Variants in INPP4B observed in about 807,000 individuals in gnomAD.
INPP4B encodes the protein inositol polyphosphate-4-phosphatase type II B, also known as inositol polyphosphate 4-phosphatase type II.
In INPP4B, 55 loss-of-function variants were observed where a neutral mutation model predicts 122.5. The ratio of observed to expected loss-of-function variants is 0.45; its 90% CI spans 0.36 to 0.56. The LOEUF (loss-of-function observed/expected upper bound fraction) is 0.56. Ranked by LOEUF, INPP4B falls within the 20% of genes least tolerant of loss-of-function variation. The probability of loss-of-function intolerance (pLI) is 0.00; values close to 1 mark genes in which losing one functional copy is unlikely to be tolerated. For missense variants in INPP4B, 1,000 were observed against 1,097.7 expected (o/e 0.91, Z 1.26); for synonymous variants, 403 against 388.7 (o/e 1.04, Z -0.43).
intron 14 of INPP4B, among the ~76,000 whole-genome samples, chr4:142,196,912 G>C (rs1449439771): frequency 2.6e-5 from 4 of 151,762 alleles, no homozygotes; most frequent in Non-Finnish European, 4.4e-5. Flanking sequence ...ATCACTTGAG[G>C]CCAGGAGTTT....
chr4:142,600,206 G>A (rs190014312), intron 2 of INPP4B, among the ~76,000 whole-genome samples: 18 of 152,148 alleles, frequency 1.2e-4, no homozygotes, highest in East Asian at 5.8e-4. Context: ...TCTTCTCCAC[G>A]GTACATTATA....
chr4:142,248,112 A>G (rs1447658977), intron 11 of INPP4B, among the ~76,000 whole-genome samples: 1 of 152,120 alleles, frequency 6.6e-6, no homozygotes, highest in Non-Finnish European at 1.5e-5. Context: ...GTACATCACC[A>G]GAATGATGCT....
chr4:142,485,579 A>G (rs1821103873), intron 2 of INPP4B, among the ~76,000 whole-genome samples: 1 of 152,182 alleles, frequency 6.6e-6, no homozygotes, highest in Non-Finnish European at 1.5e-5. Context: ...TTACGGAAGT[A>G]AAAGTTTAAT....
chr4:142,699,949 C>T (rs1028638467), intron 2 of INPP4B, among the ~76,000 whole-genome samples: 1 of 152,096 alleles, frequency 6.6e-6, no homozygotes, highest in African/African-American at 2.4e-5. Flanking sequence ...TTTCCCCTCT[C>T]CACCAGTTCT....
intron 2 of INPP4B, among the ~76,000 whole-genome samples, chr4:142,574,812 G>A (rs1234656198): frequency 6.6e-6 from 1 of 151,992 alleles, no homozygotes; most frequent in Non-Finnish European, 1.5e-5. Flanking sequence ...ATACAGTGGT[G>A]CCCTGCCTTC....
intron 1 of INPP4B, among the ~76,000 whole-genome samples, chr4:142,845,745 G>GGCGGCGGCGGCA (rs1198302068): frequency 1.3e-5 from 2 of 151,918 alleles, no homozygotes; most frequent in Non-Finnish European, 2.9e-5. Flanking sequence ...CGGCGGCGGC[G>GGCGGCGGCGGCA]GCGGCGGCGG....
At chr4:142,092,038 C>A (rs932429203) in intron 23 of INPP4B, among the ~76,000 whole-genome samples, 1 of 152,158 alleles carries the variant, frequency 6.6e-6, no homozygotes, top group Non-Finnish European at 1.5e-5. Context: ...GACTAGTTCA[C>A]GAATAGACAT....
chr4:142,460,552 A>G (rs568799176), intron 3 of INPP4B, among the ~76,000 whole-genome samples: 1 of 152,164 alleles, frequency 6.6e-6, no homozygotes, highest in East Asian at 1.9e-4. Context: ...ATCCATTTTC[A>G]ATTAAGATTT....
intron 15 of INPP4B, among the ~76,000 whole-genome samples, chr4:142,190,883 A>G (rs1835497536): frequency 6.6e-6 from 1 of 152,148 alleles, no homozygotes; most frequent in Non-Finnish European, 1.5e-5. Context: ...TAACAGAAAT[A>G]TGTTTCATAA....
chr4:142,624,003 A>T (rs180911864), intron 2 of INPP4B, among the ~76,000 whole-genome samples: 9 of 152,198 alleles, frequency 5.9e-5, no homozygotes, highest in Non-Finnish European at 8.8e-5. Context: ...AGTCTTTGCT[A>T]TCGTGAATAC....
chr4:142,133,285 A>G (rs1296930092), intron 18 of INPP4B, among the ~76,000 whole-genome samples: 2 of 152,176 alleles, frequency 1.3e-5, no homozygotes. Flanking sequence ...TAATGTCTTT[A>G]GCCTGAATAT....
chr4:142,435,898 G>C (rs1164965737), intron 3 of INPP4B, among the ~76,000 whole-genome samples: 1 of 152,112 alleles, frequency 6.6e-6, no homozygotes, highest in Non-Finnish European at 1.5e-5. Context: ...GTTTCTGGGG[G>C]GAGGGGCGGC....
chr4:142,041,579 T>C, intron 25 of INPP4B, among the ~76,000 whole-genome samples: 1 of 151,908 alleles, frequency 6.6e-6, no homozygotes, highest in Non-Finnish European at 1.5e-5. Flanking sequence ...GATCAGGTCA[T>C]TGCACTCCAG....
intron 7 of INPP4B, among the ~76,000 whole-genome samples, chr4:142,345,126 C>A (rs1341837095): frequency 6.6e-6 from 1 of 151,920 alleles, no homozygotes; most frequent in African/African-American, 2.4e-5. Flanking sequence ...CCTTAAAGTG[C>A]ACCTAACTCA....
chr4:142,622,971 C>T (rs1745302617), intron 2 of INPP4B, among the ~76,000 whole-genome samples: 1 of 151,958 alleles, frequency 6.6e-6, no homozygotes, highest in African/African-American at 2.4e-5. Flanking sequence ...GAATAAATTA[C>T]TGCCCAAAGA....
At chr4:142,185,398 G>GTGTA (rs1553999975) in intron 15 of INPP4B, among the ~76,000 whole-genome samples, 8,205 of 146,808 alleles carry the variant, frequency 0.056, 243 homozygotes, top group Non-Finnish European at 0.07. Context: ...ATGTGTGTGT[G>GTGTA]TATATATATA....
chr4:142,048,060 C>A (rs1752517764), intron 25 of INPP4B, among the ~76,000 whole-genome samples: 1 of 152,104 alleles, frequency 6.6e-6, no homozygotes, highest in African/African-American at 2.4e-5. Context: ...CCCCAGTGGT[C>A]ACCTTTAGCT....
chr4:142,272,146 T>G (rs1285589234), intron 9 of INPP4B, among the ~76,000 whole-genome samples: 1 of 152,184 alleles, frequency 6.6e-6, no homozygotes, highest in Non-Finnish European at 1.5e-5. Flanking sequence ...AACACCAATG[T>G]TGTCTTTCTT....
chr4:142,553,281 A>T (rs1045609917), intron 2 of INPP4B, among the ~76,000 whole-genome samples: 4 of 152,192 alleles, frequency 2.6e-5, no homozygotes, highest in Non-Finnish European at 4.4e-5. Context: ...AAGACTCCAC[A>T]TTCCCACTCT....
Sources: allele counts gnomAD v4.1 joint callset (sites outside exome capture counted in the v4.1 genomes callset), GRCh38; gene constraint gnomAD v4.1.1; transcripts MANE v1.5; gene names NCBI Gene and HGNC (gene_info 2026-07-23, HGNC 2026-07-21).